SP140L: variants seen among roughly 807,000 people sequenced by gnomAD.
SP140L encodes nuclear body protein SP140-like protein.
SP140L carries 64 observed loss-of-function variants against 84.3 expected under a neutral mutation model. That is an observed-to-expected ratio of 0.76 (90% CI 0.62 to 0.94). The LOEUF is 0.94. Among genes scored for constraint, SP140L ranks in the 40% least tolerant of loss-of-function variants. The pLI, the probability that SP140L is intolerant of heterozygous loss-of-function variation, is 0.00. For synonymous variants in SP140L, 242 were observed against 236.9 expected (o/e 1.02, Z -0.20); for missense variants, 628 against 692.5 (o/e 0.91, Z 1.05).
At chr2:230,399,667 A>C (rs891210873) in intron 14 of SP140L, among the ~76,000 whole-genome samples, 5 of 152,204 alleles carry the variant, frequency 3.3e-5, no homozygotes, top group Non-Finnish European at 7.3e-5. Flanking sequence ...TCTTCAACTC[A>C]TGGGGAACTT....
At chr2:230,332,294 A>C (rs2059746390) in intron 2 of SP140L, among the ~76,000 whole-genome samples, 1 of 152,258 alleles carries the variant, frequency 6.6e-6, no homozygotes, top group Admixed American at 6.5e-5. Flanking sequence ...ACAAGACCTT[A>C]AAATACAAAA....
intron 2 of SP140L, among the ~76,000 whole-genome samples, chr2:230,356,132 A>C (rs1280114809): frequency 4.6e-5 from 7 of 152,226 alleles, no homozygotes; most frequent in Admixed American, 3.9e-4. Flanking sequence ...CACATCGTAC[A>C]CACTGGAATG....
In SP140L at chr2:230,363,942, G is replaced by A. The variant is rs765267579; in HGVS notation, c.523+2245G>A. Among the ~76,000 whole-genome samples, 65 of 152,118 alleles carry A rather than the reference G, an allele frequency of 4.3e-4. 1 individual carries two copies. Among genetic ancestry groups the A allele is most frequent in the African/African-American group, 1.5e-3 (62 of 41,506 alleles). On this transcript the variant is annotated intron_variant, in intron 5 of 18. Coordinates refer to ENST00000415673, the MANE Select transcript of SP140L (RefSeq NM_138402.6). Reference sequence around the variant, plus strand: ...AAAGAGACTGTCCTTTCCCCATTGCGTGTTCTTGGCACCTTTGTTGAAAAT... The same window carrying A: ...AAAGAGACTGTCCTTTCCCCATTGCATGTTCTTGGCACCTTTGTTGAAAAT...
At chr2:230,356,668 T>A (rs933695044) in intron 2 of SP140L, among the ~76,000 whole-genome samples, 3 of 152,194 alleles carry the variant, frequency 2.0e-5, no homozygotes, top group African/African-American at 7.2e-5. Flanking sequence ...TTTTTAGCTG[T>A]GTGTCTCCCT....
intron 13 of SP140L, 82 bp downstream of exon 13, chr2:230,393,543 A>T: frequency 1.4e-6 from 2 of 1,420,992 alleles, no homozygotes; most frequent in Non-Finnish European, 1.8e-6. Flanking sequence ...GGAGTCTCCA[A>T]TTGGGTAACT....
chr2:230,332,873 C>T (rs776761626), intron 2 of SP140L, among the ~76,000 whole-genome samples: 1 of 152,190 alleles, frequency 6.6e-6, no homozygotes, highest in Non-Finnish European at 1.5e-5. Context: ...CCAAGACTGA[C>T]CTTCTGAAGC....
At position 230,358,990 on chromosome 2, in the gene SP140L, G is replaced by C. The variant is rs2060633298; in HGVS notation, c.297G>C (p.Leu99=). The change falls in exon 4 of 19, where the codon CTG becomes CTC. Residue 99 remains leucine, a synonymous_variant. Coordinates refer to ENST00000415673, the MANE Select transcript of SP140L (RefSeq NM_138402.6). Reference sequence around the variant, plus strand: ...ATTCTGAAGATTCTTGTAGAAACCTGGTCCCTGTACAAAGAGTGGTGTACA... The same window carrying C: ...ATTCTGAAGATTCTTGTAGAAACCTCGTCCCTGTACAAAGAGTGGTGTACA... ...FEDSEDSCRN[L]VPVQRVVYNV... 1 of 1,595,150 alleles carries C rather than the reference G, an allele frequency of 6.3e-7. No individual in the cohort carries two copies. Among genetic ancestry groups the C allele is most frequent in the Middle Eastern group, 1.7e-4 (1 of 6,012 alleles).
intron 5 of SP140L, among the ~76,000 whole-genome samples, chr2:230,363,287 G>A (rs2060775540): frequency 6.6e-6 from 1 of 152,126 alleles, no homozygotes; most frequent in Non-Finnish European, 1.5e-5. Context: ...TCCATTAACA[G>A]TGTACAAGAG....
At chr2:230,339,829 G>C (rs2059985699) in intron 2 of SP140L, among the ~76,000 whole-genome samples, 1 of 143,848 alleles carries the variant, frequency 7.0e-6, no homozygotes, top group Admixed American at 6.9e-5. Flanking sequence ...TTAATCCTGA[G>C]TTCTAGTTTG....
chr2:230,375,967 C>G (rs894090250), intron 7 of SP140L, among the ~76,000 whole-genome samples: 1 of 152,092 alleles, frequency 6.6e-6, no homozygotes, highest in African/African-American at 2.4e-5. Flanking sequence ...GGTGTCTTAT[C>G]TAAAAGATAA....
At chr2:230,331,321 G>A (rs550411690) in intron 2 of SP140L, among the ~76,000 whole-genome samples, 2 of 152,244 alleles carry the variant, frequency 1.3e-5, no homozygotes, top group Admixed American at 1.3e-4. Context: ...GGAAAACATA[G>A]TATATACAGA....
intron 11 of SP140L, 143 bp downstream of exon 11, chr2:230,390,166 A>G (rs2061741862): frequency 8.5e-6 from 6 of 708,188 alleles, no homozygotes; most frequent in South Asian, 3.8e-5. Flanking sequence ...GATCCCTAAG[A>G]TGACATTTTA....
intron 8 of SP140L, 41 bp from the exon 9 acceptor site, chr2:230,385,183 T>G: frequency 6.2e-7 from 1 of 1,602,560 alleles, no homozygotes; most frequent in East Asian, 2.2e-5. Flanking sequence ...GCTGTTGTTC[T>G]GCCCAGTTCT....
At chr2:230,384,804 C>T (rs1312389606) in intron 8 of SP140L, among the ~76,000 whole-genome samples, 3 of 151,898 alleles carry the variant, frequency 2.0e-5, no homozygotes, top group Non-Finnish European at 4.4e-5. Context: ...CCCAGCTACT[C>T]GGGAGGCTGA....
At chr2:230,382,087 G>A (rs377446215) in intron 7 of SP140L, among the ~76,000 whole-genome samples, 1 of 152,218 alleles carries the variant, frequency 6.6e-6, no homozygotes, top group East Asian at 1.9e-4. Context: ...GGAGAGGTGG[G>A]CATGTGAGGG....
rs1250614496 is a variant in SP140L, at chr2:230,401,210, G to A, written c.1422+147G>A. On this transcript the variant is annotated intron_variant, in intron 16 of 18. Transcript: ENST00000415673. The stretch of plus-strand genomic sequence containing the variant: ...ACTGATAGAACACCACACCTTGTTT[G>A]CACAAAAAATAACTCAGCCATGACA... 12 of 676,722 alleles carry A rather than the reference G, an allele frequency of 1.8e-5. No homozygotes were observed. In the African/African-American group the frequency reaches 1.9e-4, roughly 11 times the overall value. 41.9% of individuals were successfully genotyped at this position (676,722 alleles called of 1,614,324 possible).
chr2:230,394,447 C>G (rs2061959549), intron 13 of SP140L, among the ~76,000 whole-genome samples: 1 of 152,208 alleles, frequency 6.6e-6, no homozygotes, highest in South Asian at 2.1e-4. Flanking sequence ...AGATCCAGGC[C>G]TTTACATTAT....
intron 5 of SP140L, among the ~76,000 whole-genome samples, chr2:230,363,758 A>T (rs1394652522): frequency 6.6e-6 from 1 of 152,102 alleles, no homozygotes; most frequent in Non-Finnish European, 1.5e-5. Context: ...GACCAATGTC[A>T]TGGAGCTTTT....
intron 12 of SP140L, among the ~76,000 whole-genome samples, chr2:230,392,752 G>C (rs2061876067): frequency 6.6e-6 from 1 of 152,210 alleles, no homozygotes; most frequent in African/African-American, 2.4e-5. Context: ...AATCTTCTGA[G>C]ATTGGAAATG....
Sources: allele counts gnomAD v4.1 joint callset (sites outside exome capture counted in the v4.1 genomes callset), GRCh38; gene constraint gnomAD v4.1.1; transcripts MANE v1.5; gene names NCBI Gene and HGNC (gene_info 2026-07-23, HGNC 2026-07-21).